The following CDC6 variants were observed in gnomAD, a reference collection of about 807,000 sequenced individuals.
CDC6 encodes the protein DNA replication factor CDC6.
Under a neutral mutation model 60.2 loss-of-function variants are expected in CDC6, and 46 were observed. The ratio of observed to expected loss-of-function variants is 0.76; its 90% CI spans 0.60 to 0.98. The LOEUF (loss-of-function observed/expected upper bound fraction) is 0.98, where lower values mean the gene tolerates loss of function less well. CDC6 is among the 50% of genes least tolerant of loss of function. The pLI is 0.00. For missense variants in CDC6, 596 were observed against 652.9 expected (o/e 0.91, Z 0.95); for synonymous variants, 210 against 233.2 (o/e 0.90, Z 0.90).
Position 40,300,832 on chromosome 17 carries a change from A to G in CDC6, c.1254A>G (p.Lys418=). 1.2e-6 allele frequency: 2 copies of G among 1,613,006 alleles called. No individual in the cohort carries two copies. Among genetic ancestry groups the G allele is most frequent in the South Asian group, 1.1e-5 (1 of 91,074 alleles). ...CTTGGCTTATTTACTTTATAGGTAA[A>G]TCACCTTCTGAGCCTCTGATTCCCA... ...QTILKPLSEC[K]SPSEPLIPKR... is the part of the protein sequence containing the mutation. Residue 418 remains lysine, a synonymous_variant, in exon 10 of 12, where the codon AAA becomes AAG. Coordinates refer to ENST00000209728, the MANE Select transcript of CDC6 (RefSeq NM_001254.4).
At chr17:40,289,286 A>G (rs2032713289) in intron 1 of CDC6, 122 bp from the exon 2 acceptor site, 2 of 843,210 alleles carry the variant, frequency 2.4e-6, no homozygotes, top group South Asian at 2.9e-5. Context: ...GAATGCTAAA[A>G]TAAGTGTGAT....
chr17:40,300,660 T>C (rs1463285000), intron 9 of CDC6, among the ~76,000 whole-genome samples, 168 bp from the exon 10 acceptor site: 1 of 152,240 alleles, frequency 6.6e-6, no homozygotes, highest in Non-Finnish European at 1.5e-5. Flanking sequence ...AGAATAGCAT[T>C]ATCTCTCATC....
chr17:40,289,174 A>G, intron 1 of CDC6: 1 of 459,282 alleles, frequency 2.2e-6, no homozygotes, highest in Non-Finnish European at 4.0e-6. Flanking sequence ...ATCGTTGTTA[A>G]ACGAGTTGGT....
intron 4 of CDC6, among the ~76,000 whole-genome samples, chr17:40,292,884 C>T (rs557802305): frequency 3.0e-4 from 46 of 151,098 alleles, no homozygotes; most frequent in Non-Finnish European, 5.0e-4. Flanking sequence ...GAGCCGAGAT[C>T]GCGCCACTGC....
intron 9 of CDC6, among the ~76,000 whole-genome samples, chr17:40,299,715 A>C (rs930790552): frequency 1.3e-5 from 2 of 151,748 alleles, no homozygotes; most frequent in African/African-American, 4.8e-5. Context: ...CCTGGGCAAC[A>C]TGATGAAACC....
At chr17:40,299,452 G>GTCCCCAGTGTGTGTTT (rs2032907553) in intron 9 of CDC6, among the ~76,000 whole-genome samples, 1 of 151,892 alleles carries the variant, frequency 6.6e-6, no homozygotes, top group Non-Finnish European at 1.5e-5. Flanking sequence ...AGTGTGTGTT[G>GTCCCCAGTGTGTGTTT]TCCCCACTAT....
Position 40,301,496 on chromosome 17 carries a change from G to T in CDC6, c.1481G>T (p.Arg494Leu), listed in dbSNP as rs760577823. The change falls in exon 11 of 12, where the codon CGC (arginine) becomes CTC (leucine). Residue 494 changes from arginine to leucine, a missense_variant. Physicochemically the swap from Arg to Leu is moderately radical, Grantham distance 102. Transcript: ENST00000209728. ...TATGAAGCCTACAGTAAAGTCTGTC[G>T]CAAACAGCAGGTGGCGGCTGTGGAC... ...KLYEAYSKVC[R>L]KQQVAAVDQS... 3 of 1,613,844 alleles carry T rather than the reference G, an allele frequency of 1.9e-6. No individual in the cohort carries two copies. Among genetic ancestry groups the T allele is most frequent in the East Asian group, 2.2e-5 (1 of 44,872 alleles).
chr17:40,292,939 AAG>A (rs2032789633), intron 4 of CDC6, among the ~76,000 whole-genome samples: 2 of 151,878 alleles, frequency 1.3e-5, no homozygotes, highest in South Asian at 4.2e-4. Context: ...CAAAAAAAAA[AAG>A]AGTTAAGAAA....
At chr17:40,296,093 G>A (rs921996199) in intron 8 of CDC6, among the ~76,000 whole-genome samples, 3 of 152,180 alleles carry the variant, frequency 2.0e-5, no homozygotes, top group African/African-American at 7.2e-5. Flanking sequence ...ACTTTGGAGA[G>A]AGCAGTGGGA....
At chr17:40,291,017 A>G (rs2032749059) in intron 2 of CDC6, 41 bp from the exon 3 acceptor site, 7 of 1,601,966 alleles carry the variant, frequency 4.4e-6, no homozygotes, top group Non-Finnish European at 6.0e-6. Context: ...TTTACTATCC[A>G]ATGCTATGAG....
At chr17:40,289,771 C>T (rs978884550) in intron 2 of CDC6, among the ~76,000 whole-genome samples, 173 bp downstream of exon 2, 4 of 138,260 alleles carry the variant, frequency 2.9e-5, no homozygotes, top group African/African-American at 1.1e-4. Flanking sequence ...TGCAATAGTG[C>T]GATCTTGGCT....
In CDC6 at chr17:40,291,218, C is replaced by G; in HGVS notation, c.339C>G (p.Ala113=). 1 of 1,614,118 alleles carries G rather than the reference C, an allele frequency of 6.2e-7. No individual in the cohort carries two copies. The highest frequency in any genetic ancestry group is 8.5e-7 in the Non-Finnish European group (1 of 1,179,998). The change falls in exon 3 of 12, where the codon GCC becomes GCG. Residue 113 remains alanine, a synonymous_variant. Coordinates refer to ENST00000209728, the MANE Select transcript of CDC6 (RefSeq NM_001254.4). ...AGTCTCCTAGCAAAAGAGAACTAGCCAAAGTTCACCAAAACAAAATACTTT... is the reference window on the plus strand; with the variant it reads ...AGTCTCCTAGCAAAAGAGAACTAGCGAAAGTTCACCAAAACAAAATACTTT... ...TIKSPSKREL[A]KVHQNKILSS... is the part of the protein sequence containing the mutation.
At position 40,291,807 on chromosome 17, in the gene CDC6, G is replaced by A. The variant is rs544054303; in HGVS notation, c.660+139G>A. On this transcript the variant is annotated intron_variant, in intron 4 of 11. Coordinates refer to ENST00000209728, the MANE Select transcript of CDC6 (RefSeq NM_001254.4). ...GTCGCCTAGGCTGTAGTGCAGTGGCGCGATCTCGGCTCACTGCAAGCTCTG... is the reference window on the plus strand; with the variant it reads ...GTCGCCTAGGCTGTAGTGCAGTGGCACGATCTCGGCTCACTGCAAGCTCTG... 223 of 829,494 alleles carry A rather than the reference G, an allele frequency of 2.7e-4. No individual in the cohort carries two copies. The African/African-American group carries it at 2.9e-3, about 11-fold the overall frequency. The allele number at this position is 829,494 out of a possible 1,614,324, so 51.4% of individuals were successfully genotyped here.
chr17:40,299,384 G>A (rs1014300738), intron 9 of CDC6, among the ~76,000 whole-genome samples: 6 of 151,580 alleles, frequency 4.0e-5, no homozygotes, highest in African/African-American at 1.5e-4. Flanking sequence ...ATGAATTCCT[G>A]AGCTCAAGCC....
At chr17:40,290,627 CCAAACCCTA>C (rs1245523281) in intron 2 of CDC6, among the ~76,000 whole-genome samples, 1 of 152,148 alleles carries the variant, frequency 6.6e-6, no homozygotes, top group African/African-American at 2.4e-5. Context: ...GAGGACAGTA[CCAAACCCTA>C]CATATACTGT....
At chr17:40,300,777 C>A in intron 9 of CDC6, 51 bp from the exon 10 acceptor site, 1 of 1,339,496 alleles carries the variant, frequency 7.5e-7, no homozygotes, top group Non-Finnish European at 1.1e-6. Context: ...CATACATACA[C>A]ACACACAGTA....
chr17:40,293,997 A>T lies in CDC6; in HGVS notation c.884A>T (p.Asp295Val), dbSNP rs958223657. The T allele has an allele frequency of 6.2e-7, 1 of 1,614,162 alleles. No individual in the cohort carries two copies. The highest frequency in any genetic ancestry group is 8.5e-7 in the Non-Finnish European group (1 of 1,179,994). Reference sequence around the variant, plus strand: ...GATCAACTGGACAGCAAAGGCCAGGATGTATTGTACACGCTATTTGAATGG... The same window carrying T: ...GATCAACTGGACAGCAAAGGCCAGGTTGTATTGTACACGCTATTTGAATGG... ...EMDQLDSKGQ[D>V]VLYTLFEWPW... is the part of the protein sequence containing the mutation. The change falls in exon 6 of 12, where the codon GAT becomes GTT. Residue 295 changes from aspartate to valine, a missense_variant. By Grantham distance (152) the Asp-to-Val change is radical (BLOSUM62 -3). Transcript: ENST00000209728.
rs1288579759 is a variant in CDC6, at chr17:40,295,366, A to C, written c.1094A>C (p.Asp365Ala). The change falls in exon 8 of 12, where the codon GAT becomes GCT. Residue 365 changes from aspartate to alanine, a missense_variant. By Grantham distance (126) the Asp-to-Ala change is moderately radical. Coordinates refer to ENST00000209728, the MANE Select transcript of CDC6 (RefSeq NM_001254.4). ...ATGTCTTGTCTGAAGGTATCTAGAG[A>C]TCAGGTTCTGGACAATGCTGCAGTT... ...LQDRLNQVSRDQVLDNAAVQF... is the reference protein window; with the variant it reads ...LQDRLNQVSRAQVLDNAAVQF... 6.2e-7 allele frequency: 1 copy of C among 1,610,198 alleles called. No individual in the cohort carries two copies. Among genetic ancestry groups the C allele is most frequent in the African/African-American group, 1.3e-5 (1 of 74,816 alleles).
rs540008280 is a variant in CDC6, at chr17:40,289,324, A to G, written c.-13-84A>G. The G allele has an allele frequency of 4.9e-5, 51 of 1,049,730 alleles. No individual in the cohort carries two copies. The African/African-American group carries it at 7.3e-4, about 15-fold the overall frequency. 65.0% of individuals were successfully genotyped at this position (1,049,730 alleles called of 1,614,324 possible). A position where few individuals can be genotyped will look rare whatever the true frequency, so the allele number is the denominator to read the frequency against. ...CATAATTAGGAAATAAGTGTTAATC[A>G]TCAGTATAAATAAATTCCATGTTAG... On this transcript the variant is annotated intron_variant, in intron 1 of 11. Transcript: ENST00000209728.
Sources: allele counts gnomAD v4.1 joint callset (sites outside exome capture counted in the v4.1 genomes callset), GRCh38; gene constraint gnomAD v4.1.1; transcripts MANE v1.5; gene names NCBI Gene and HGNC (gene_info 2026-07-23, HGNC 2026-07-21).